The following SV2C variants were observed in gnomAD, a reference collection of about 807,000 sequenced individuals.
SV2C encodes the protein solute carrier family 22 member B3.
A neutral mutation model predicts 79.7 loss-of-function variants in SV2C; 49 were observed. That is an observed-to-expected ratio of 0.61 (90% CI 0.49 to 0.78). SV2C has a LOEUF of 0.78. SV2C is among the 30% of genes least tolerant of loss of function. The probability of loss-of-function intolerance (pLI) is 0.00; values close to 1 mark genes in which losing one functional copy is unlikely to be tolerated. For synonymous variants in SV2C, 334 were observed against 333.2 expected (o/e 1.00, Z -0.03); for missense variants, 833 against 912.9 (o/e 0.91, Z 1.13).
chr5:76,285,178 G>A lies in SV2C; in HGVS notation c.930G>A (p.Met310Ile), dbSNP rs1181562034. ...IIPHYGWSFSMGSAYQFHSWR... is the reference protein window; with the variant it reads ...IIPHYGWSFSIGSAYQFHSWR... ...CTTTTCCAGGGTGGAGCTTCAGCAT[G>A]GGATCGGCCTACCAGTTTCACAGTT... The change falls in exon 5 of 13, where the codon ATG becomes ATA. Residue 310 changes from methionine to isoleucine, a missense_variant. By Grantham distance (10) the Met-to-Ile change is conservative. Transcript: ENST00000502798. 2 of 1,614,198 alleles carry A rather than the reference G, an allele frequency of 1.2e-6. No homozygotes were observed. The highest frequency in any genetic ancestry group is 2.2e-5 in the East Asian group (1 of 44,886).
At chr5:76,136,636 G>A (rs1294964691) in intron 2 of SV2C, among the ~76,000 whole-genome samples, 1 of 152,038 alleles carries the variant, frequency 6.6e-6, no homozygotes, top group Non-Finnish European at 1.5e-5. Context: ...TCTAGGAATT[G>A]ACATTTAAAC....
intron 4 of SV2C, among the ~76,000 whole-genome samples, chr5:76,214,265 CCCAACA>C (rs1744850631): frequency 6.6e-6 from 1 of 152,156 alleles, no homozygotes; most frequent in Admixed American, 6.6e-5. Context: ...ATCCAGCTTT[CCCAACA>C]CCATTTATTG....
intron 4 of SV2C, among the ~76,000 whole-genome samples, chr5:76,215,319 G>A (rs571658014): frequency 6.6e-6 from 1 of 152,002 alleles, no homozygotes; most frequent in African/African-American, 2.4e-5. Flanking sequence ...GGGTGGGAGT[G>A]GGGGGATGTG....
intron 1 of SV2C, among the ~76,000 whole-genome samples, chr5:76,118,198 G>A (rs559726531): frequency 5.5e-4 from 83 of 152,210 alleles, no homozygotes; most frequent in South Asian, 1.5e-3. Context: ...GGGACTCCAG[G>A]TGCTCCTCAG....
the SV2C span, among the ~76,000 whole-genome samples, chr5:75,988,638 C>T: frequency 1.3e-5 from 2 of 151,928 alleles, no homozygotes; most frequent in Admixed American, 6.6e-5. Flanking sequence ...GAAGAGCACA[C>T]TGGTCAAGTG....
At chr5:76,308,387 C>T (rs1748284474) in intron 12 of SV2C, among the ~76,000 whole-genome samples, 2 of 152,160 alleles carry the variant, frequency 1.3e-5, no homozygotes, top group African/African-American at 2.4e-5. Context: ...CAGCTCCTTA[C>T]TTACCCTTCT....
At chr5:75,967,809 C>A in the SV2C span, among the ~76,000 whole-genome samples, 1 of 152,210 alleles carries the variant, frequency 6.6e-6, no homozygotes. Flanking sequence ...TGTCTGACAG[C>A]TTTGAAGAGA....
At chr5:76,072,795 T>A in the SV2C span, among the ~76,000 whole-genome samples, 1 of 152,190 alleles carries the variant, frequency 6.6e-6, no homozygotes, top group Non-Finnish European at 1.5e-5. Context: ...TTATGGCCAT[T>A]CTTGCAGAAG....
chr5:76,174,085 A>G (rs760323420), intron 2 of SV2C: 7 of 1,577,318 alleles, frequency 4.4e-6, no homozygotes, highest in Non-Finnish European at 6.1e-6. Context: ...CTATCGTAGG[A>G]TCGTATTTTT....
chr5:75,875,118 G>A, the SV2C span, among the ~76,000 whole-genome samples: 1 of 152,116 alleles, frequency 6.6e-6, no homozygotes, highest in East Asian at 1.9e-4. Flanking sequence ...AGCCTGAATA[G>A]CCAAGGCAAT....
At chr5:76,285,129 C>A in intron 4 of SV2C, 33 bp from the exon 5 acceptor site, 1 of 1,610,206 alleles carries the variant, frequency 6.2e-7, no homozygotes, top group South Asian at 1.1e-5. Flanking sequence ...CTGGGAGGAG[C>A]TCTCCCTCAC....
intron 2 of SV2C, among the ~76,000 whole-genome samples, chr5:76,150,281 G>T (rs1269936476): frequency 6.6e-6 from 1 of 151,250 alleles, no homozygotes; most frequent in Non-Finnish European, 1.5e-5. Flanking sequence ...GGGTTCAAGT[G>T]ATCCTCCTGC....
At chr5:75,874,862 G>A in the SV2C span, among the ~76,000 whole-genome samples, 1 of 151,994 alleles carries the variant, frequency 6.6e-6, no homozygotes, top group African/African-American at 2.4e-5. Context: ...AAGGTGAAAG[G>A]TCTCTGCAAT....
intron 9 of SV2C, among the ~76,000 whole-genome samples, chr5:76,296,300 C>A (rs1234672420): frequency 6.6e-6 from 1 of 152,144 alleles, no homozygotes; most frequent in Non-Finnish European, 1.5e-5. Flanking sequence ...TTATTTAATT[C>A]ACAGAAGAAA....
chr5:76,170,803 G>C (rs1471477066), intron 2 of SV2C: 1 of 225,898 alleles, frequency 4.4e-6, no homozygotes, highest in Non-Finnish European at 8.4e-6. Context: ...GGCTGGGGTC[G>C]GTGGCTTAGG....
chr5:75,875,753 G>C, the SV2C span, among the ~76,000 whole-genome samples: 1 of 152,074 alleles, frequency 6.6e-6, no homozygotes, highest in Non-Finnish European at 1.5e-5. Flanking sequence ...CCATTAAAAA[G>C]TGGGCAAAGG....
At chr5:75,918,180 G>GA in the SV2C span, among the ~76,000 whole-genome samples, 1 of 152,192 alleles carries the variant, frequency 6.6e-6, no homozygotes, top group African/African-American at 2.4e-5. Flanking sequence ...TAAGGTCACA[G>GA]AACCAGTTAT....
chr5:76,234,558 C>G (rs12187375), intron 4 of SV2C, among the ~76,000 whole-genome samples: 48,194 of 152,032 alleles, frequency 0.32, 8,136 homozygotes, highest in Non-Finnish European at 0.37. Context: ...AAGTTTTATT[C>G]TGATATATTA....
upstream of SV2C, chr5:76,079,466 G>T: frequency 3.4e-6 from 1 of 291,284 alleles, no homozygotes; most frequent in South Asian, 4.4e-5. Flanking sequence ...CACCAAAGAA[G>T]GGAGAGAATT....
Sources: allele counts gnomAD v4.1 joint callset (sites outside exome capture counted in the v4.1 genomes callset), GRCh38; gene constraint gnomAD v4.1.1; transcripts MANE v1.5; gene names NCBI Gene and HGNC (gene_info 2026-07-23, HGNC 2026-07-21).